Variants in SYNE3 observed in about 807,000 individuals in gnomAD.
The protein encoded by SYNE3 is nesprin-3.
In SYNE3, 100 loss-of-function variants were observed where a neutral mutation model predicts 111.2. The ratio of observed to expected loss-of-function variants is 0.90; its 90% CI spans 0.77 to 1.06. SYNE3 has a LOEUF of 1.06. Among genes scored for constraint, SYNE3 ranks in the 50% least tolerant of loss-of-function variants. The pLI, the probability that SYNE3 is intolerant of heterozygous loss-of-function variation, is 0.00. For missense variants in SYNE3, 1,160 were observed against 1,240.3 expected, an observed-to-expected ratio of 0.94 and a Z score of 0.97; for synonymous variants, 547 against 533.9, an observed-to-expected ratio of 1.02 and a Z score of -0.34.
intron 1 of SYNE3, among the ~76,000 whole-genome samples, chr14:95,505,180 G>C (rs961109997): frequency 6.6e-6 from 1 of 152,264 alleles, no homozygotes; most frequent in Non-Finnish European, 1.5e-5. Flanking sequence ...TCCTAACGTT[G>C]CATTCGCTGA....
At chr14:95,491,870 A>C (rs528127899) in intron 1 of SYNE3, among the ~76,000 whole-genome samples, 1 of 152,326 alleles carries the variant, frequency 6.6e-6, no homozygotes, top group South Asian at 2.1e-4. Context: ...TAAGGGACTT[A>C]CATCTAGAAA....
intron 17 of SYNE3, among the ~76,000 whole-genome samples, chr14:95,424,852 C>A (rs773024257): frequency 9.2e-5 from 14 of 152,282 alleles, no homozygotes; most frequent in Admixed American, 5.2e-4. Context: ...AATGTGTGAT[C>A]TTGGATTGGA....
At chr14:95,497,980 G>A (rs1006046396) in intron 1 of SYNE3, among the ~76,000 whole-genome samples, 4 of 149,510 alleles carry the variant, frequency 2.7e-5, no homozygotes, top group Non-Finnish European at 4.4e-5. Context: ...TGACAGGAGC[G>A]CCACTGCACT....
chr14:95,477,275 C>T (rs1888940421), intron 1 of SYNE3, among the ~76,000 whole-genome samples: 1 of 152,214 alleles, frequency 6.6e-6, no homozygotes, highest in Admixed American at 6.5e-5. Context: ...TAGCCCCTTC[C>T]AGGCCTGGCT....
chr14:95,445,674 A>C (rs564238174), intron 9 of SYNE3, among the ~76,000 whole-genome samples: 3 of 152,354 alleles, frequency 2.0e-5, no homozygotes, highest in African/African-American at 7.2e-5. Flanking sequence ...GTTTGGGGAC[A>C]GGGCTGGGAG....
At chr14:95,456,279 T>C (rs1887433644) in intron 5 of SYNE3, 1 of 153,238 alleles carries the variant, frequency 6.5e-6, no homozygotes, top group African/African-American at 2.4e-5. Flanking sequence ...TCTTGAATTA[T>C]TAAAGACATT....
chr14:95,427,938 A>C (rs1002000861), intron 17 of SYNE3, among the ~76,000 whole-genome samples: 1 of 152,208 alleles, frequency 6.6e-6, no homozygotes, highest in Non-Finnish European at 1.5e-5. Flanking sequence ...TGGAATACTC[A>C]CTGAGATTTG....
chr14:95,432,123 A>T lies in SYNE3; in HGVS notation c.2689-6T>A. ...TCCCCTGGAGAACTTTGTGTCTGTT[A>T]TTTTAGGGAAGGAGAGGAAAAGGGG... is the stretch of plus-strand genomic sequence containing the variant. On this transcript the variant is annotated splice_region_variant and splice_polypyrimidine_tract_variant and intron_variant, in intron 16 of 17. Coordinates refer to ENST00000682763, the MANE Select transcript of SYNE3 (RefSeq NM_152592.6). 6.2e-7 allele frequency: 1 copy of T among 1,611,282 alleles called. No individual in the cohort carries two copies. The highest frequency in any genetic ancestry group is 8.5e-7 in the Non-Finnish European group (1 of 1,178,972).
rs202124505 is a variant in SYNE3 at position 95,446,105 on chromosome 14, G to A, written c.1450-14C>T. On this transcript the variant is annotated splice_polypyrimidine_tract_variant and intron_variant, in intron 8 of 17. Coordinates refer to ENST00000682763, the MANE Select transcript of SYNE3 (RefSeq NM_152592.6). ...CATCAGGGCTGCCTGTGGGAGACAAGGCTTCCGTGAACCACAGACCGGGCA... is the reference window on the plus strand; with the variant it reads ...CATCAGGGCTGCCTGTGGGAGACAAAGCTTCCGTGAACCACAGACCGGGCA... 473 of 1,613,534 alleles carry A rather than the reference G, an allele frequency of 2.9e-4. No individual in the cohort carries two copies. Among genetic ancestry groups the A allele is most frequent in the Non-Finnish European group, 3.6e-4 (429 of 1,179,840 alleles).
At chr14:95,426,184 G>C (rs534763997) in intron 17 of SYNE3, among the ~76,000 whole-genome samples, 7 of 152,190 alleles carry the variant, frequency 4.6e-5, no homozygotes, top group Non-Finnish European at 1.0e-4. Context: ...GCACCAACTT[G>C]TTCACAAATC....
At chr14:95,477,658 G>A (rs552648553) in intron 1 of SYNE3, among the ~76,000 whole-genome samples, 1 of 152,280 alleles carries the variant, frequency 6.6e-6, no homozygotes, top group South Asian at 2.1e-4. Context: ...GGGCTGGCCA[G>A]GGGGAGGTGG....
chr14:95,478,024 C>T (rs1355618050), intron 1 of SYNE3, among the ~76,000 whole-genome samples: 2 of 152,104 alleles, frequency 1.3e-5, no homozygotes, highest in African/African-American at 2.4e-5. Context: ...TTAGAGCACC[C>T]CTTCTTGTTG....
intron 17 of SYNE3, among the ~76,000 whole-genome samples, chr14:95,421,273 T>C (rs1316502978): frequency 6.6e-6 from 1 of 152,104 alleles, no homozygotes; most frequent in Admixed American, 6.5e-5. Flanking sequence ...GGAGTATATG[T>C]TGTGTAGAGG....
At chr14:95,447,679 T>A (rs1886800245) in intron 8 of SYNE3, among the ~76,000 whole-genome samples, 2 of 152,194 alleles carry the variant, frequency 1.3e-5, no homozygotes, top group African/African-American at 4.8e-5. Context: ...AGCCTCTCAC[T>A]GTAGGGGAGT....
intron 6 of SYNE3, among the ~76,000 whole-genome samples, chr14:95,454,561 T>G (rs1887292383): frequency 6.6e-6 from 1 of 152,184 alleles, no homozygotes; most frequent in South Asian, 2.1e-4. Context: ...ACAGTTCCCT[T>G]TGGAGGAAGG....
At chr14:95,426,195 A>T (rs1011755776) in intron 17 of SYNE3, among the ~76,000 whole-genome samples, 9 of 152,254 alleles carry the variant, frequency 5.9e-5, no homozygotes, top group African/African-American at 2.2e-4. Flanking sequence ...TTCACAAATC[A>T]TCAAAGACTG....
intron 1 of SYNE3, among the ~76,000 whole-genome samples, chr14:95,476,090 T>C (rs991205428): frequency 1.3e-5 from 2 of 152,216 alleles, no homozygotes; most frequent in African/African-American, 4.8e-5. Flanking sequence ...GCCTCTCAGG[T>C]TCCCTGCTTC....
chr14:95,514,580 G>A (rs181223384), intron 1 of SYNE3, among the ~76,000 whole-genome samples: 3 of 152,340 alleles, frequency 2.0e-5, no homozygotes, highest in African/African-American at 7.2e-5. Context: ...CTCGTTTAGT[G>A]CTCATGAGGC....
intron 6 of SYNE3, among the ~76,000 whole-genome samples, chr14:95,455,097 A>G (rs1386642662): frequency 5.3e-5 from 8 of 152,132 alleles, no homozygotes; most frequent in Non-Finnish European, 1.0e-4. Context: ...TGGCTGCCCA[A>G]TCCCCCTCTG....
Sources: allele counts gnomAD v4.1 joint callset (sites outside exome capture counted in the v4.1 genomes callset), GRCh38; gene constraint gnomAD v4.1.1; transcripts MANE v1.5; gene names NCBI Gene and HGNC (gene_info 2026-07-23, HGNC 2026-07-21).